Variants in GATAD2B observed in about 807,000 individuals in gnomAD.
The protein encoded by GATAD2B is GATA zinc finger domain containing 2B, also known as transcriptional repressor p66-beta.
Under a neutral mutation model 64.3 loss-of-function variants are expected in GATAD2B, and 8 were observed. The ratio of observed to expected loss-of-function variants is 0.12; its 90% CI spans 0.07 to 0.22. The LOEUF (loss-of-function observed/expected upper bound fraction) is 0.22, where lower values mean the gene tolerates loss of function less well. Ranked by LOEUF, GATAD2B falls within the 10% of genes least tolerant of loss-of-function variation. The probability of loss-of-function intolerance (pLI) is 1.00; values close to 1 mark genes in which losing one functional copy is unlikely to be tolerated. For missense variants in GATAD2B, 453 were observed against 752.0 expected (o/e 0.60, Z 4.65); for synonymous variants, 281 against 271.3 (o/e 1.04, Z -0.35).
At position 153,813,253 on chromosome 1, in the gene GATAD2B, T is replaced by C. The variant is rs772472891; in HGVS notation, c.1416A>G (p.Glu472=). The C allele has an allele frequency of 1.2e-6, 2 of 1,613,524 alleles. No homozygotes were observed. Among genetic ancestry groups the C allele is most frequent in the African/African-American group, 1.3e-5 (1 of 75,052 alleles). ...KNAFVKALQQ[E]QEIEQRLQQQ... ...AGTGAGCAGTCAGAATTCTTACCTG[T>C]TCCTGCTGTAGGGCTTTCACAAATG... The change falls in exon 8 of 11, where the codon GAA becomes GAG. Residue 472 remains glutamate, a synonymous_variant. Coordinates refer to ENST00000368655, the MANE Select transcript of GATAD2B (RefSeq NM_020699.4).
intron 1 of GATAD2B, among the ~76,000 whole-genome samples, chr1:153,897,772 A>G (rs1236523361): frequency 6.6e-6 from 1 of 152,136 alleles, no homozygotes; most frequent in Non-Finnish European, 1.5e-5. Flanking sequence ...GTTGGCCAAT[A>G]TATTTAAAAA....
chr1:153,862,255 T>C (rs933461586), intron 1 of GATAD2B, among the ~76,000 whole-genome samples: 8 of 151,112 alleles, frequency 5.3e-5, no homozygotes, highest in African/African-American at 1.7e-4. Context: ...CCTGAGTACC[T>C]GACGTTACAG....
intron 1 of GATAD2B, among the ~76,000 whole-genome samples, chr1:153,885,807 G>A (rs1197074449): frequency 1.3e-5 from 2 of 149,174 alleles, no homozygotes; most frequent in Admixed American, 6.7e-5. Flanking sequence ...AGCTTGCAGT[G>A]AGCCAAGACG....
At chr1:153,920,312 C>T (rs1304673159) in intron 1 of GATAD2B, among the ~76,000 whole-genome samples, 2 of 152,230 alleles carry the variant, frequency 1.3e-5, no homozygotes, top group Non-Finnish European at 2.9e-5. Context: ...GAGGTCCAGC[C>T]TTGCCCGTCT....
chr1:153,877,816 T>C (rs1339052237), intron 1 of GATAD2B, among the ~76,000 whole-genome samples: 1 of 149,650 alleles, frequency 6.7e-6, no homozygotes, highest in Non-Finnish European at 1.5e-5. Context: ...AGGCAGAGGC[T>C]GCAGTGAGCT....
intron 1 of GATAD2B, among the ~76,000 whole-genome samples, chr1:153,843,533 C>A (rs1372997347): frequency 6.6e-6 from 1 of 152,056 alleles, no homozygotes; most frequent in Non-Finnish European, 1.5e-5. Context: ...CCTTGGCTTC[C>A]CAAAGCACCA....
chr1:153,865,347 C>T (rs1180339157), intron 1 of GATAD2B, among the ~76,000 whole-genome samples: 1 of 150,274 alleles, frequency 6.7e-6, no homozygotes, highest in Admixed American at 6.6e-5. Context: ...TGTAGTCCCA[C>T]CTACTTAAGA....
At chr1:153,874,582 T>A (rs371198222) in intron 1 of GATAD2B, among the ~76,000 whole-genome samples, 1 of 152,094 alleles carries the variant, frequency 6.6e-6, no homozygotes, top group African/African-American at 2.4e-5. Flanking sequence ...GTTTTTTTGT[T>A]GTTTTTGTTT....
chr1:153,825,720 TAA>T (rs1271063182), intron 2 of GATAD2B, among the ~76,000 whole-genome samples: 1 of 151,928 alleles, frequency 6.6e-6, no homozygotes, highest in African/African-American at 2.4e-5. Flanking sequence ...CACCGCTTAC[TAA>T]GAGTTTTTAA....
At chr1:153,879,836 CT>C (rs1280822848) in intron 1 of GATAD2B, among the ~76,000 whole-genome samples, 1 of 151,338 alleles carries the variant, frequency 6.6e-6, no homozygotes, top group African/African-American at 2.4e-5. Context: ...TGCTGATCCC[CT>C]AATTGCCAAT....
At position 153,818,122 on chromosome 1, in the gene GATAD2B, T is replaced by C. The variant is rs1273529828; in HGVS notation, c.647A>G (p.His216Arg). The C allele has an allele frequency of 3.7e-6, 6 of 1,613,168 alleles. No individual in the cohort carries two copies. Among genetic ancestry groups the C allele is most frequent in the Admixed American group, 1.7e-5 (1 of 59,932 alleles). ...AASIVQPSPAHVGQQGLSKLP... is the reference protein window; with the variant it reads ...AASIVQPSPARVGQQGLSKLP... ...CTTAGATAGGCCCTGCTGTCCCACA[T>C]GGGCAGGAGATGGCTGAACAATAGA... Residue 216 changes from histidine to arginine, a missense_variant, in exon 5 of 11, where the codon CAT becomes CGT. By Grantham distance (29) the His-to-Arg change is conservative. Transcript: ENST00000368655.
intron 1 of GATAD2B, among the ~76,000 whole-genome samples, chr1:153,880,695 T>A (rs1016939110): frequency 6.6e-6 from 1 of 151,792 alleles, no homozygotes; most frequent in South Asian, 2.1e-4. Context: ...AATACAAAAA[T>A]TAGCCAGGTG....
At chr1:153,922,487 G>GA (rs1165161583) in intron 1 of GATAD2B, among the ~76,000 whole-genome samples, 18 of 146,060 alleles carry the variant, frequency 1.2e-4, no homozygotes, top group African/African-American at 4.3e-4. Context: ...GCCAAGGGGG[G>GA]AGAGGATGAG....
At chr1:153,871,849 C>T (rs1676676143) in intron 1 of GATAD2B, among the ~76,000 whole-genome samples, 1 of 152,096 alleles carries the variant, frequency 6.6e-6, no homozygotes, top group Non-Finnish European at 1.5e-5. Flanking sequence ...ACTTGGGGGG[C>T]TGAGGCAGGA....
intron 1 of GATAD2B, among the ~76,000 whole-genome samples, chr1:153,834,617 C>T (rs912291515): frequency 1.3e-5 from 2 of 151,924 alleles, no homozygotes; most frequent in African/African-American, 4.8e-5. Context: ...CTCGCACTCC[C>T]GACCTCAGGT....
At chr1:153,906,383 C>T (rs1677939513) in intron 1 of GATAD2B, among the ~76,000 whole-genome samples, 1 of 152,150 alleles carries the variant, frequency 6.6e-6, no homozygotes, top group South Asian at 2.1e-4. Context: ...TGTGCCACTG[C>T]ACTCCAGCCT....
chr1:153,898,089 A>G (rs1230044182), intron 1 of GATAD2B, among the ~76,000 whole-genome samples: 1 of 151,840 alleles, frequency 6.6e-6, no homozygotes, highest in Non-Finnish European at 1.5e-5. Flanking sequence ...CAATCGCTTC[A>G]GTCCAGGAGT....
chr1:153,896,500 G>C (rs1192498764), intron 1 of GATAD2B, among the ~76,000 whole-genome samples: 1 of 142,620 alleles, frequency 7.0e-6, no homozygotes, highest in African/African-American at 2.6e-5. Context: ...GCAATGGCAT[G>C]ATCTCTGCTC....
intron 1 of GATAD2B, among the ~76,000 whole-genome samples, chr1:153,844,303 G>A (rs934189054): frequency 5.3e-5 from 8 of 151,294 alleles, no homozygotes; most frequent in African/African-American, 1.9e-4. Context: ...AGCCAGATTA[G>A]AAAAACTCAA....
Sources: allele counts gnomAD v4.1 joint callset (sites outside exome capture counted in the v4.1 genomes callset), GRCh38; gene constraint gnomAD v4.1.1; transcripts MANE v1.5; gene names NCBI Gene and HGNC (gene_info 2026-07-23, HGNC 2026-07-21).